The following TIGD1 variants were observed in gnomAD, a reference collection of about 807,000 sequenced individuals.
TIGD1 encodes tigger transposable element-derived protein 1.
Under a neutral mutation model 21.3 loss-of-function variants are expected in TIGD1, and 20 were observed. The observed-to-expected ratio is 0.94, with a 90% confidence interval of 0.66 to 1.36. The LOEUF (loss-of-function observed/expected upper bound fraction) is 1.36. Ranked by LOEUF, TIGD1 falls within the 40% of genes most tolerant of loss-of-function variation. The pLI is 0.00. For synonymous variants in TIGD1, 177 were observed against 123.2 expected (o/e 1.44, Z -2.89); for missense variants, 556 against 350.5 (o/e 1.59, Z -4.68).
Position 232,549,780 on chromosome 2 carries a change from C to T in TIGD1, c.103G>A (p.Glu35Lys), listed in dbSNP as rs760964330. ...AGGAGGCCTAGCCTTCGGCCTATCT[C>T]GGCTTTTGACATACCTTCCTCACTC... ...KLSEEGMSKA[E>K]IGRRLGLLRQ... Residue 35 changes from glutamate to lysine, a missense_variant, in exon 1 of 1, where the codon GAG becomes AAG. Glu to Lys is a moderately conservative substitution (Grantham distance 56). Coordinates refer to ENST00000408957, the MANE Select transcript of TIGD1 (RefSeq NM_145702.4). The T allele has an allele frequency of 1.9e-5, 29 of 1,537,248 alleles. 2 individuals are homozygous for T. The South Asian group carries it at 2.8e-4, about 15-fold the overall frequency.
Position 232,544,612 on chromosome 2 carries a change from C to T in TIGD1, c.*3495G>A, listed in dbSNP as rs761112171. Reference sequence around the variant, plus strand: ...CACACCAGGTGTGCCTGGGGACAGTCCTCCCCTGGGACCCCAGCTGGGGAG... The same window carrying T: ...CACACCAGGTGTGCCTGGGGACAGTTCTCCCCTGGGACCCCAGCTGGGGAG... On this transcript the variant is annotated 3_prime_UTR_variant, in exon 1 of 1. Coordinates refer to ENST00000408957, the MANE Select transcript of TIGD1 (RefSeq NM_145702.4). 3.1e-6 allele frequency: 5 copies of T among 1,589,208 alleles called. No individual in the cohort carries two copies. The South Asian group carries it at 5.5e-5, about 18-fold the overall frequency.
rs187560207 is a variant in TIGD1 at position 232,547,675 on chromosome 2, G to C, written c.*432C>G. 6.6e-6 allele frequency among the ~76,000 whole-genome samples: 1 copy of C among 152,172 alleles called. No individual in the cohort carries two copies. The highest frequency in any genetic ancestry group is 2.4e-5 in the African/African-American group (1 of 41,444). ...AGAACTAGAGGAGTTAGGGAGAGTG[G>C]GGGAGAACTTCAATCAGGGAGGGAA... On this transcript the variant is annotated 3_prime_UTR_variant, in exon 1 of 1. Transcript: ENST00000408957.
chr2:232,547,345 G>A lies in TIGD1; in HGVS notation c.*762C>T, dbSNP rs1486683010. On this transcript the variant is annotated 3_prime_UTR_variant, in exon 1 of 1. Transcript: ENST00000408957. The stretch of plus-strand genomic sequence containing the variant: ...AGGTGGGAGGATCGCTTGAGCCCAG[G>A]AGGTCTAGGCTGCAGTGAGCTGTGA... Among the ~76,000 whole-genome samples, 1 of 152,136 alleles carries A rather than the reference G, an allele frequency of 6.6e-6. No homozygotes were observed. The highest frequency in any genetic ancestry group is 1.5e-5 in the Non-Finnish European group (1 of 68,030).
In TIGD1 at chr2:232,546,325, TTTTA is replaced by T. The variant is rs1352596753; in HGVS notation, c.*1778_*1781del. ...GTAATCCTCTTTTTTTTTTTTTTTT[TTTTA>T]GTTTTTGATGTGTTGTTGTTGTTTT... is the stretch of plus-strand genomic sequence containing the variant. On this transcript the variant is annotated 3_prime_UTR_variant, in exon 1 of 1. Transcript: ENST00000408957. 1.3e-5 allele frequency: 2 copies of T among 156,552 alleles called. No homozygotes were observed. Among genetic ancestry groups the T allele is most frequent in the Non-Finnish European group, 2.8e-5 (2 of 70,708 alleles). The allele number at this position is 156,552 out of a possible 1,614,324, so 9.7% of individuals were successfully genotyped here.
Position 232,548,358 on chromosome 2 carries a change from T to C in TIGD1, c.1525A>G (p.Ile509Val). 1 of 1,139,336 alleles carries C rather than the reference T, an allele frequency of 8.8e-7. No homozygotes were observed. Among genetic ancestry groups the C allele is most frequent in the Non-Finnish European group, 1.3e-6 (1 of 798,470 alleles). 70.6% of individuals were successfully genotyped at this position (1,139,336 alleles called of 1,614,324 possible). Residue 509 changes from isoleucine to valine, a missense_variant, in exon 1 of 1, where the codon ATT (isoleucine) becomes GTT (valine). Transcript: ENST00000408957. ...GAGCTTCTTTCAAAATTGGAGTCAA[T>C]CCTCTCAAACCCTGCTGCTGCTTTA... ...VDKAAAGFERIDSNFERSSTV... is the reference protein window; with the variant it reads ...VDKAAAGFERVDSNFERSSTV...
In TIGD1 at chr2:232,550,418, C is replaced by T. The variant is rs1692257670; in HGVS notation, c.-536G>A. On this transcript the variant is annotated 5_prime_UTR_variant, in exon 1 of 1. Transcript: ENST00000408957. ...AGTCCAGAGCCCGCGCCGTCAACGACGCGGTGCTGCCTTTTTTCCGAGCCG... is the reference window on the plus strand; with the variant it reads ...AGTCCAGAGCCCGCGCCGTCAACGATGCGGTGCTGCCTTTTTTCCGAGCCG... 2.0e-6 allele frequency: 1 copy of T among 502,686 alleles called. No individual in the cohort carries two copies. 31.1% of individuals were successfully genotyped at this position (502,686 alleles called of 1,614,324 possible).
chr2:232,548,319 T>C lies in TIGD1; in HGVS notation c.1564A>G (p.Met522Val), dbSNP rs1241712022. ...NFERSSTVGK[M>V]LSNSIACYRE... ...TAGCATGCGATGCTGTTTGATAGCA[T>C]TTTGCCCACAGTAGAGCTTCTTTCA... The change falls in exon 1 of 1, where the codon ATG becomes GTG. Residue 522 changes from methionine to valine, a missense_variant. Physicochemically the swap from Met to Val is conservative, Grantham distance 21. Coordinates refer to ENST00000408957, the MANE Select transcript of TIGD1 (RefSeq NM_145702.4). 5 of 1,482,920 alleles carry C rather than the reference T, an allele frequency of 3.4e-6. No homozygotes were observed. In the East Asian group the frequency reaches 1.2e-4, roughly 36 times the overall value. The allele number at this position is 1,482,920 out of a possible 1,614,324, so 91.9% of individuals were successfully genotyped here. A position where few individuals can be genotyped will look rare whatever the true frequency, so the allele number is the denominator to read the frequency against.
rs1692221620 is a variant in TIGD1, at chr2:232,549,437, T to G, written c.446A>C (p.Lys149Thr). The change falls in exon 1 of 1, where the codon AAA (lysine) becomes ACA (threonine). Residue 149 changes from lysine to threonine, a missense_variant. Lys to Thr is a moderately conservative substitution (Grantham distance 78). Coordinates refer to ENST00000408957, the MANE Select transcript of TIGD1 (RefSeq NM_145702.4). Reference protein sequence around the residue: ...FKERSHFHNIKAQGEAASADV... With the variant: ...FKERSHFHNITAQGEAASADV... The stretch of plus-strand genomic sequence containing the variant: ...AGCACTTGCTGCTTCACCTTGTGCT[T>G]TTATGTTATGGAAATGGCTTCTTTC... The G allele has an allele frequency of 3.1e-6, 2 of 654,530 alleles. No individual in the cohort carries two copies. Among genetic ancestry groups the G allele is most frequent in the Non-Finnish European group, 5.5e-6 (2 of 366,166 alleles). 40.5% of individuals were successfully genotyped at this position (654,530 alleles called of 1,614,324 possible).
In TIGD1 at chr2:232,550,341, C is replaced by T; in HGVS notation, c.-459G>A. ...AGCCTCCGGGAGGTCAAAAGAGATA[C>T]CAGAGAGTGCGTCCCGCACTGGAGG... On this transcript the variant is annotated 5_prime_UTR_variant, in exon 1 of 1. Coordinates refer to ENST00000408957, the MANE Select transcript of TIGD1 (RefSeq NM_145702.4). 2.6e-6 allele frequency: 1 copy of T among 386,558 alleles called. No individual in the cohort carries two copies. The highest frequency in any genetic ancestry group is 4.9e-6 in the Non-Finnish European group (1 of 205,144). The allele number at this position is 386,558 out of a possible 1,614,324, so 23.9% of individuals were successfully genotyped here.
chr2:232,548,854 C>A lies in TIGD1; in HGVS notation c.1029G>T (p.Lys343Asn), dbSNP rs1310329799. Reference sequence around the variant, plus strand: ...GAAATGTATTTCTCAAATAATAAGACTTGAAGGTCGAAATTACCCCTTGAT... The same window carrying A: ...GAAATGTATTTCTCAAATAATAAGAATTGAAGGTCGAAATTACCCCTTGAT... ...PMDQGVISTFKSYYLRNTFHK... is the reference protein window; with the variant it reads ...PMDQGVISTFNSYYLRNTFHK... Residue 343 changes from lysine (K) to asparagine (N), a missense_variant, in exon 1 of 1, where the codon AAG becomes AAT. By Grantham distance (94) the Lys-to-Asn change is moderately conservative. Coordinates refer to ENST00000408957, the MANE Select transcript of TIGD1 (RefSeq NM_145702.4). The A allele has an allele frequency of 1.6e-6, 1 of 617,280 alleles. No individual in the cohort carries two copies. Among genetic ancestry groups the A allele is most frequent in the South Asian group, 1.7e-5 (1 of 59,438 alleles). 38.2% of individuals were successfully genotyped at this position (617,280 alleles called of 1,614,324 possible).
rs778249955 is a variant in TIGD1 at position 232,550,548 on chromosome 2, A to C, written c.-666T>G. On this transcript the variant is annotated 5_prime_UTR_variant, in exon 1 of 1. Coordinates refer to ENST00000408957, the MANE Select transcript of TIGD1 (RefSeq NM_145702.4). ...AGCAGCCAGCTCCGCCGCTGAGTCC[A>C]GCCCTCTGCGCAGCCGCCCTGAGCT... The C allele has an allele frequency of 1.3e-6, 1 of 791,818 alleles. No individual in the cohort carries two copies. The highest frequency in any genetic ancestry group is 2.9e-5 in the East Asian group (1 of 34,566). 49.0% of individuals were successfully genotyped at this position (791,818 alleles called of 1,614,324 possible).
rs1436197181 is a variant in TIGD1 at position 232,549,189 on chromosome 2, TA to T, written c.693del (p.Phe231LeufsTer3). 2 of 705,704 alleles carry T rather than the reference TA, an allele frequency of 2.8e-6. No homozygotes were observed. Among genetic ancestry groups the T allele is most frequent in the Non-Finnish European group, 5.2e-6 (2 of 382,346 alleles). The allele number at this position is 705,704 out of a possible 1,614,324, so 43.7% of individuals were successfully genotyped here. A position where few individuals can be genotyped will look rare whatever the true frequency, so the allele number is the denominator to read the frequency against. Reference protein sequence around the residue: ...LLLGANAAGDFKLKPMLIYHS... With the variant: ...LLLGANAAGDXKLKPMLIYHS... The stretch of plus-strand genomic sequence containing the variant: ...TGGTAAATAAGCATTGGCTTCAACT[TA>T]AAGTCACCAGCTGCATTAGCCCCTA... On this transcript the variant is annotated frameshift_variant, in exon 1 of 1. Coordinates refer to ENST00000408957, the MANE Select transcript of TIGD1 (RefSeq NM_145702.4). LOFTEE classifies it high-confidence loss of function.
In TIGD1 at chr2:232,547,031, G is replaced by C. The variant is rs547437907; in HGVS notation, c.*1076C>G. 6.6e-6 allele frequency among the ~76,000 whole-genome samples: 1 copy of C among 152,308 alleles called. No homozygotes were observed. The highest frequency in any genetic ancestry group is 2.1e-4 in the South Asian group (1 of 4,822). ...AGATTACAGCCGGCACACGAGTTTGGCTGGTAACCAGGGGACACCCTTGGG... is the reference window on the plus strand; with the variant it reads ...AGATTACAGCCGGCACACGAGTTTGCCTGGTAACCAGGGGACACCCTTGGG... On this transcript the variant is annotated 3_prime_UTR_variant, in exon 1 of 1. Coordinates refer to ENST00000408957, the MANE Select transcript of TIGD1 (RefSeq NM_145702.4).
chr2:232,544,688 A>G lies in TIGD1; in HGVS notation c.*3419T>C. 1 of 1,578,752 alleles carries G rather than the reference A, an allele frequency of 6.3e-7. No individual in the cohort carries two copies. Among genetic ancestry groups the G allele is most frequent in the East Asian group, 2.2e-5 (1 of 44,696 alleles). ...GAAGTGCCCAGGTCAGGGAGAGAGGAGCTGGGGTCCCTAAGGAGAGGCCAT... is the reference window on the plus strand; with the variant it reads ...GAAGTGCCCAGGTCAGGGAGAGAGGGGCTGGGGTCCCTAAGGAGAGGCCAT... On this transcript the variant is annotated 3_prime_UTR_variant, in exon 1 of 1. Transcript: ENST00000408957.
rs1692146031 is a variant in TIGD1 at position 232,547,072 on chromosome 2, C to G, written c.*1035G>C. Among the ~76,000 whole-genome samples the G allele has an allele frequency of 6.6e-6, 1 of 152,156 alleles. No individual in the cohort carries two copies. The highest frequency in any genetic ancestry group is 2.4e-5 in the African/African-American group (1 of 41,436). Reference sequence around the variant, plus strand: ...CACCCTTGGGCAAGTCACCTATGCTCCCTGAGGCTGTTCCCTCATCTGTAA... The same window carrying G: ...CACCCTTGGGCAAGTCACCTATGCTGCCTGAGGCTGTTCCCTCATCTGTAA... On this transcript the variant is annotated 3_prime_UTR_variant, in exon 1 of 1. Coordinates refer to ENST00000408957, the MANE Select transcript of TIGD1 (RefSeq NM_145702.4).
chr2:232,550,073 T>C lies in TIGD1; in HGVS notation c.-191A>G, dbSNP rs2106227725. 2.1e-6 allele frequency: 1 copy of C among 470,710 alleles called. No individual in the cohort carries two copies. The highest frequency in any genetic ancestry group is 5.5e-4 in the Middle Eastern group (1 of 1,820). 29.2% of individuals were successfully genotyped at this position (470,710 alleles called of 1,614,324 possible). ...ACAATGACAATAGCAACATCAAAGA[T>C]CACTGATCATAGATCACCATAACAG... On this transcript the variant is annotated 5_prime_UTR_variant, in exon 1 of 1. The change abolishes the stop of an existing upstream ORF in the 5' untranslated region. Transcript: ENST00000408957.
rs771190341 is a variant in TIGD1 at position 232,548,820 on chromosome 2, G to C, written c.1063C>G (p.Leu355Val). ...YYLRNTFHKALAAMDSDVSDG... is the reference protein window; with the variant it reads ...YYLRNTFHKAVAAMDSDVSDG... ...GAGACATCACTATCCATGGCAGCTA[G>C]AGCCTTATGAAATGTATTTCTCAAA... Residue 355 changes from leucine to valine, a missense_variant, in exon 1 of 1, where the codon CTA (leucine) becomes GTA (valine). Transcript: ENST00000408957. 2 of 573,254 alleles carry C rather than the reference G, an allele frequency of 3.5e-6. No homozygotes were observed. Among genetic ancestry groups the C allele is most frequent in the South Asian group, 3.3e-5 (2 of 61,248 alleles). 35.5% of individuals were successfully genotyped at this position (573,254 alleles called of 1,614,324 possible).
Position 232,548,910 on chromosome 2 carries a change from C to T in TIGD1, c.973G>A (p.Ala325Thr). Residue 325 changes from alanine (A) to threonine (T), a missense_variant, in exon 1 of 1, where the codon GCT (alanine) becomes ACT (threonine). Physicochemically the swap from Ala to Thr is moderately conservative, Grantham distance 58 (BLOSUM62 0). Transcript: ENST00000408957. Reference sequence around the variant, plus strand: ...GGCTGCAGAATGGATGTTGTGTTAGCAGGCATGAAAATAACATTAATCTCC... The same window carrying T: ...GGCTGCAGAATGGATGTTGTGTTAGTAGGCATGAAAATAACATTAATCTCC... ...YEEINVIFMP[A>T]NTTSILQPMD... 1 of 664,344 alleles carries T rather than the reference C, an allele frequency of 1.5e-6. No individual in the cohort carries two copies. The highest frequency in any genetic ancestry group is 2.8e-6 in the Non-Finnish European group (1 of 363,340). 41.2% of individuals were successfully genotyped at this position (664,344 alleles called of 1,614,324 possible).
rs990065986 is a variant in TIGD1, at chr2:232,547,236, G to C, written c.*871C>G. Among the ~76,000 whole-genome samples the C allele has an allele frequency of 6.6e-6, 1 of 152,084 alleles. No individual in the cohort carries two copies. Among genetic ancestry groups the C allele is most frequent in the Admixed American group, 6.6e-5 (1 of 15,252 alleles). On this transcript the variant is annotated 3_prime_UTR_variant, in exon 1 of 1. Transcript: ENST00000408957. ...CCAGGAACCCAGCCTGGGCAACATG[G>C]GGACACCCGGCCTCTACCAAAAAAT... is the stretch of plus-strand genomic sequence containing the variant.
Sources: gnomAD v4.1 joint callset for allele counts (sites outside exome capture counted in the v4.1 genomes callset) on GRCh38, gnomAD v4.1.1 for gene constraint, MANE v1.5 for transcripts, NCBI Gene and HGNC (gene_info 2026-07-23, HGNC 2026-07-21) for gene names.